ZNF169: variants seen among roughly 807,000 people sequenced by gnomAD.
The protein encoded by ZNF169 is zinc finger protein 169.
A neutral mutation model predicts 12.0 loss-of-function variants in ZNF169; 11 were observed. The observed-to-expected ratio is 0.92, with a 90% CI of 0.58 to 1.52. The LOEUF (loss-of-function observed/expected upper bound fraction) is 1.52. ZNF169 is among the 40% of genes most tolerant of loss of function. The pLI is 0.00. For synonymous variants in ZNF169, 302 were observed against 286.5 expected (o/e 1.05, Z -0.55); for missense variants, 722 against 744.0 (o/e 0.97, Z 0.34).
intron 1 of ZNF169, among the ~76,000 whole-genome samples, chr9:94,266,313 A>G (rs1186952342): frequency 3.9e-5 from 6 of 152,136 alleles, no homozygotes; most frequent in Non-Finnish European, 7.3e-5. Flanking sequence ...TCATGCTTGT[A>G]TATTTATTTG....
chr9:94,264,292 T>A (rs566193646), intron 1 of ZNF169, among the ~76,000 whole-genome samples: 1 of 152,128 alleles, frequency 6.6e-6, no homozygotes, highest in African/African-American at 2.4e-5. Context: ...TACGCTACCA[T>A]GCCCAGCTAA....
intron 1 of ZNF169, among the ~76,000 whole-genome samples, chr9:94,273,582 T>TG (rs1224990945): frequency 6.9e-6 from 1 of 144,402 alleles, no homozygotes; most frequent in Admixed American, 6.9e-5. Flanking sequence ...TTTCTTTCTT[T>TG]TTTTTTTTTT....
At chr9:94,295,859 A>G (rs544742553) in intron 4 of ZNF169, 1 of 152,220 alleles carries the variant, frequency 6.6e-6, no homozygotes, top group Non-Finnish European at 1.5e-5. Context: ...TTTTGTGTGA[A>G]TATAATGCTT....
At chr9:94,285,200 T>A (rs1230653914) in intron 2 of ZNF169, among the ~76,000 whole-genome samples, 2 of 152,120 alleles carry the variant, frequency 1.3e-5, no homozygotes, top group African/African-American at 4.8e-5. Context: ...AGAACACGCT[T>A]GAGATAAATG....
At chr9:94,283,965 G>T (rs762256205) in intron 2 of ZNF169, among the ~76,000 whole-genome samples, 17 of 149,998 alleles carry the variant, frequency 1.1e-4, no homozygotes, top group Admixed American at 4.7e-4. Flanking sequence ...CCATCTACCT[G>T]GGAGGCTGAG....
At chr9:94,271,349 A>C (rs1830417835) in intron 1 of ZNF169, among the ~76,000 whole-genome samples, 2 of 151,878 alleles carry the variant, frequency 1.3e-5, no homozygotes. Context: ...CACCTGCCTC[A>C]GTTCCCCAAA....
chr9:94,300,138 C>T lies in ZNF169; in HGVS notation c.580C>T (p.Leu194Phe). The change falls in exon 5 of 5, where the codon CTT becomes TTT. Residue 194 changes from leucine (L) to phenylalanine (F), a missense_variant. By Grantham distance (22) the Leu-to-Phe change is conservative. Transcript: ENST00000395395. ...CCTTCGCCTGGCCCAAAGGATGAGT[C>T]TTGGGGGGTCAGACACAATGTTGAA... ...TDLRLAQRMSLGGSDTMLKGA... is the reference protein window; with the variant it reads ...TDLRLAQRMSFGGSDTMLKGA... 6.2e-7 allele frequency: 1 copy of T among 1,614,120 alleles called. No individual in the cohort carries two copies. Among genetic ancestry groups the T allele is most frequent in the Non-Finnish European group, 8.5e-7 (1 of 1,180,042 alleles).
intron 1 of ZNF169, among the ~76,000 whole-genome samples, chr9:94,270,228 C>A (rs1414705848): frequency 6.6e-6 from 1 of 152,144 alleles, no homozygotes. Context: ...CACAATCCTA[C>A]CAGGGTTGTA....
intron 1 of ZNF169, among the ~76,000 whole-genome samples, chr9:94,273,799 T>G (rs1564084846): frequency 6.6e-6 from 1 of 152,272 alleles, no homozygotes; most frequent in East Asian, 1.9e-4. Context: ...CAGGATGGTC[T>G]CGATCTCCTG....
rs200105094 is a variant in ZNF169 at position 94,301,100 on chromosome 9, C to T, written c.1542C>T (p.Tyr514=). ...HQRTHSEEEL[Y]VDRVCGQGLG... The stretch of plus-strand genomic sequence containing the variant: ...GGACACACTCAGAGGAGGAGCTTTA[C>T]GTAGACAGGGTGTGTGGACAAGGAC... The change falls in exon 5 of 5, where the codon TAC becomes TAT. Residue 514 remains tyrosine (Y), a synonymous_variant. Coordinates refer to ENST00000395395, the MANE Select transcript of ZNF169 (RefSeq NM_194320.4). The T allele has an allele frequency of 5.1e-5, 83 of 1,614,068 alleles. No individual in the cohort carries two copies. Among genetic ancestry groups the T allele is most frequent in the Non-Finnish European group, 6.3e-5 (74 of 1,180,012 alleles).
intron 1 of ZNF169, among the ~76,000 whole-genome samples, chr9:94,267,547 G>A (rs1028619491): frequency 6.6e-6 from 1 of 152,188 alleles, no homozygotes; most frequent in African/African-American, 2.4e-5. Context: ...GAACAAATAT[G>A]CTCCAAATTT....
intron 4 of ZNF169, among the ~76,000 whole-genome samples, chr9:94,297,587 A>G (rs767971530): frequency 6.6e-6 from 1 of 152,250 alleles, no homozygotes; most frequent in South Asian, 2.1e-4. Flanking sequence ...TCTTGCAGAT[A>G]TGATCTTACT....
intron 2 of ZNF169, among the ~76,000 whole-genome samples, chr9:94,283,929 G>T (rs1017203116): frequency 6.6e-6 from 1 of 151,376 alleles, no homozygotes; most frequent in African/African-American, 2.4e-5. Context: ...AAAATTAGCC[G>T]GGCATGGTGG....
chr9:94,267,623 C>T (rs1402330070), intron 1 of ZNF169, among the ~76,000 whole-genome samples: 2 of 152,140 alleles, frequency 1.3e-5, no homozygotes, highest in Admixed American at 1.3e-4. Context: ...TTCCTTGACA[C>T]TGAAAAGCAA....
intron 1 of ZNF169, among the ~76,000 whole-genome samples, chr9:94,260,483 T>TG (rs71500054): frequency 1.2e-3 from 173 of 144,388 alleles, no homozygotes; most frequent in East Asian, 3.2e-3. Flanking sequence ...GTCTTGATAG[T>TG]GGGGGGGGGG....
At chr9:94,259,980 A>T (rs1176579364) in intron 1 of ZNF169, among the ~76,000 whole-genome samples, 1 of 148,330 alleles carries the variant, frequency 6.7e-6, no homozygotes, top group African/African-American at 2.5e-5. Flanking sequence ...GTTCACTGCA[A>T]TCTCCGCGCC....
In ZNF169 at chr9:94,265,698, G is replaced by T. The variant is rs759900717; in HGVS notation, c.-56+6353G>T. Among the ~76,000 whole-genome samples the T allele has an allele frequency of 2.0e-5, 3 of 152,012 alleles. 1 individual carries two copies. The highest frequency in any genetic ancestry group is 1.9e-4 in the East Asian group (1 of 5,186). On this transcript the variant is annotated intron_variant, in intron 1 of 4. Transcript: ENST00000395395. ...TAACTTCTTTTAATCTATAACTAAGGTCTGAGTCCTGAAGACTTTCCTCTG... is the reference window on the plus strand; with the variant it reads ...TAACTTCTTTTAATCTATAACTAAGTTCTGAGTCCTGAAGACTTTCCTCTG...
chr9:94,273,310 C>G lies in ZNF169; in HGVS notation c.-55-5448C>G, dbSNP rs73523840. 9.5e-3 allele frequency among the ~76,000 whole-genome samples: 1,253 copies of G among 132,254 alleles called. 26 individuals carry two copies. Among genetic ancestry groups the G allele is most frequent in the African/African-American group, 0.033 (1,188 of 36,278 alleles). 86.8% of individuals were successfully genotyped at this position (132,254 alleles called of 152,430 possible). A position where few individuals can be genotyped will look rare whatever the true frequency, so the allele number is the denominator to read the frequency against. On this transcript the variant is annotated intron_variant, in intron 1 of 4. Transcript: ENST00000395395. ...CATTGTCAAGACCAATATCATGAAGCTTTTTCCTATTTTTTTTTTAGGAGT... is the reference window on the plus strand; with the variant it reads ...CATTGTCAAGACCAATATCATGAAGGTTTTTCCTATTTTTTTTTTAGGAGT...
At chr9:94,265,221 AAGAG>A (rs1830272734) in intron 1 of ZNF169, among the ~76,000 whole-genome samples, 1 of 151,716 alleles carries the variant, frequency 6.6e-6, no homozygotes, top group Admixed American at 6.6e-5. Flanking sequence ...ACTGGGGAGG[AAGAG>A]AGTTTTTATT....
Sources: allele counts gnomAD v4.1 joint callset (sites outside exome capture counted in the v4.1 genomes callset), GRCh38; gene constraint gnomAD v4.1.1; transcripts MANE v1.5; gene names NCBI Gene and HGNC (gene_info 2026-07-23, HGNC 2026-07-21).